CEP128: variants seen among roughly 807,000 people sequenced by gnomAD.
The protein encoded by CEP128 is centrosomal protein 128.
Under a neutral mutation model 156.7 loss-of-function variants are expected in CEP128, and 132 were observed. The ratio of observed to expected loss-of-function variants is 0.84; its 90% CI spans 0.73 to 0.97. CEP128 has a LOEUF of 0.97. CEP128 is among the 50% of genes least tolerant of loss of function. The pLI is 0.00. For synonymous variants in CEP128, 469 were observed against 448.9 expected, an observed-to-expected ratio of 1.04 and a Z score of -0.57; for missense variants, 1,252 against 1,281.9, an observed-to-expected ratio of 0.98 and a Z score of 0.36.
intron 19 of CEP128, among the ~76,000 whole-genome samples, chr14:80,698,480 G>A (rs1896961665): frequency 6.6e-6 from 1 of 152,028 alleles, no homozygotes; most frequent in African/African-American, 2.4e-5. Flanking sequence ...GTCCATTTTA[G>A]AAATGTTTAA....
chr14:80,882,798 C>G (rs1444548532), intron 8 of CEP128, among the ~76,000 whole-genome samples: 1 of 152,034 alleles, frequency 6.6e-6, no homozygotes, highest in Non-Finnish European at 1.5e-5. Flanking sequence ...TTAGCCAACA[C>G]AGAGAGGCAA....
At chr14:80,663,699 T>C (rs928338692) in intron 19 of CEP128, among the ~76,000 whole-genome samples, 2 of 152,192 alleles carry the variant, frequency 1.3e-5, no homozygotes, top group Non-Finnish European at 1.5e-5. Context: ...CTCCATGAGG[T>C]TGGCATCGTT....
At chr14:80,697,341 A>G (rs1422509549) in intron 19 of CEP128, among the ~76,000 whole-genome samples, 1 of 152,126 alleles carries the variant, frequency 6.6e-6, no homozygotes, top group Non-Finnish European at 1.5e-5. Flanking sequence ...TCTAAAGGGC[A>G]GGTAATGGAT....
chr14:80,767,219 G>C lies in CEP128; in HGVS notation c.2377-5606C>G, dbSNP rs1032673813. Among the ~76,000 whole-genome samples, 10 of 152,070 alleles carry C rather than the reference G, an allele frequency of 6.6e-5. No homozygotes were observed. In the South Asian group the frequency reaches 1.9e-3, roughly 28 times the overall value. ...AACTAAATGAGAAGATATCTGCGAT[G>C]GATACTATAGGAAACTTGGAAATAA... On this transcript the variant is annotated intron_variant, in intron 16 of 24. Transcript: ENST00000555265.
At chr14:80,945,799 T>C (rs1318718616), upstream of CEP128, 1 of 152,124 alleles carries the variant, frequency 6.6e-6, no homozygotes, top group African/African-American at 2.4e-5. Context: ...AGTAAAGCAG[T>C]GAAAGGAAAT....
chr14:80,720,988 C>T (rs1169798554), intron 19 of CEP128, among the ~76,000 whole-genome samples: 1 of 152,104 alleles, frequency 6.6e-6, no homozygotes, highest in African/African-American at 2.4e-5. Flanking sequence ...CTGATTTGCT[C>T]GTTATCTTTA....
At chr14:80,527,183 C>A in intron 22 of CEP128, 1 of 557,198 alleles carries the variant, frequency 1.8e-6, no homozygotes, top group Non-Finnish European at 3.3e-6. Flanking sequence ...AATCCCAGCA[C>A]TTTAGGAGGC....
At chr14:80,667,752 G>A (rs1394156395) in intron 19 of CEP128, among the ~76,000 whole-genome samples, 2 of 151,582 alleles carry the variant, frequency 1.3e-5, no homozygotes, top group African/African-American at 2.4e-5. Flanking sequence ...CAGCTACTCG[G>A]GAGGCTGAGG....
At chr14:80,724,905 A>G (rs1455317202) in intron 19 of CEP128, among the ~76,000 whole-genome samples, 1 of 149,660 alleles carries the variant, frequency 6.7e-6, no homozygotes, top group Non-Finnish European at 1.5e-5. Flanking sequence ...CTCTTACTTA[A>G]CTAAACAACT....
At chr14:80,926,112 G>A (rs1885130273) in intron 2 of CEP128, among the ~76,000 whole-genome samples, 1 of 152,184 alleles carries the variant, frequency 6.6e-6, no homozygotes, top group African/African-American at 2.4e-5. Context: ...ATAATCTTTA[G>A]TGGGGACAAA....
At chr14:80,761,396 A>G (rs747220286) in intron 17 of CEP128, 41 bp downstream of exon 17, 74 of 1,392,148 alleles carry the variant, frequency 5.3e-5, no homozygotes, top group Non-Finnish European at 6.7e-5. Flanking sequence ...ATATTAGGAA[A>G]CTAACTGAAA....
chr14:80,827,344 T>C (rs1367589528), intron 13 of CEP128, among the ~76,000 whole-genome samples: 1 of 152,220 alleles, frequency 6.6e-6, no homozygotes, highest in African/African-American at 2.4e-5. Flanking sequence ...GAGATAAAAC[T>C]TGGTTCTTAA....
chr14:80,704,788 CTTCT>C lies in CEP128; in HGVS notation c.2806+38283_2806+38286del, dbSNP rs567001114. Reference sequence around the variant, plus strand: ...TCCTTCCCTTCTTCCTTATTGCCTTCTTCTTTCTTTCTACCTTTCTCCCTCTTGC... The same window carrying C: ...TCCTTCCCTTCTTCCTTATTGCCTTCTTCTTTCTACCTTTCTCCCTCTTGC... On this transcript the variant is annotated intron_variant, in intron 19 of 24. Transcript: ENST00000555265. Among the ~76,000 whole-genome samples the C allele has an allele frequency of 9.6e-4, 131 of 136,630 alleles. 1 individual carries two copies. The highest frequency in any genetic ancestry group is 8.9e-3 in the East Asian group (45 of 5,042). The allele number at this position is 136,630 out of a possible 152,430, so 89.6% of individuals were successfully genotyped here.
chr14:80,811,070 A>G lies in CEP128; in HGVS notation c.1210-17960T>C, dbSNP rs115775029. The stretch of plus-strand genomic sequence containing the variant: ...TTTTTGTTCCTGTGTTAGTTTGCTG[A>G]GGTTAATGGTTTCCAGCTCCACCCA... On this transcript the variant is annotated intron_variant, in intron 13 of 24. Coordinates refer to ENST00000555265, the MANE Select transcript of CEP128 (RefSeq NM_152446.5). Among the ~76,000 whole-genome samples the G allele has an allele frequency of 4.7e-3, 713 of 152,230 alleles. 9 individuals carry two copies. Among genetic ancestry groups the G allele is most frequent in the African/African-American group, 0.017 (686 of 41,536 alleles).
At chr14:80,843,891 A>C (rs547991630) in intron 9 of CEP128, among the ~76,000 whole-genome samples, 1 of 152,106 alleles carries the variant, frequency 6.6e-6, no homozygotes, top group African/African-American at 2.4e-5. Context: ...TGGACGCTTA[A>C]ACACAGCTCC....
At chr14:80,750,356 C>T (rs1899327341) in intron 18 of CEP128, among the ~76,000 whole-genome samples, 2 of 152,048 alleles carry the variant, frequency 1.3e-5, no homozygotes, top group African/African-American at 4.8e-5. Flanking sequence ...CATGGTTTTT[C>T]TCATCTCCAA....
At chr14:80,613,291 C>G (rs946294402) in intron 19 of CEP128, among the ~76,000 whole-genome samples, 1 of 123,572 alleles carries the variant, frequency 8.1e-6, no homozygotes, top group African/African-American at 3.0e-5. Context: ...CAATGGAGAG[C>G]ATTTTTTTTT....
chr14:80,931,511 TGG>T (rs1471013825), intron 2 of CEP128, among the ~76,000 whole-genome samples: 5 of 152,224 alleles, frequency 3.3e-5, no homozygotes, highest in Admixed American at 6.5e-5. Flanking sequence ...AGAAGTGAGA[TGG>T]CTTTCTAAAG....
At chr14:80,854,209 T>C (rs1291895585) in intron 9 of CEP128, among the ~76,000 whole-genome samples, 1 of 152,100 alleles carries the variant, frequency 6.6e-6, no homozygotes. Context: ...CTGGTAAGAA[T>C]GTGGGGGAAA....
Sources: gnomAD v4.1 joint callset for allele counts (sites outside exome capture counted in the v4.1 genomes callset) on GRCh38, gnomAD v4.1.1 for gene constraint, MANE v1.5 for transcripts, NCBI Gene and HGNC (gene_info 2026-07-23, HGNC 2026-07-21) for gene names.